EXOC4: variants seen among roughly 807,000 people sequenced by gnomAD.
EXOC4 encodes SEC8-like 1.
EXOC4 carries 71 observed loss-of-function variants against 107.2 expected under a neutral mutation model. That is an observed-to-expected ratio of 0.66 (90% CI 0.55 to 0.81). The LOEUF (loss-of-function observed/expected upper bound fraction) is 0.81. Ranked by LOEUF, EXOC4 falls within the 30% of genes least tolerant of loss-of-function variation. EXOC4 has a pLI of 0.00. For missense variants in EXOC4, 1,108 were observed against 1,189.6 expected, an observed-to-expected ratio of 0.93 and a Z score of 1.01; for synonymous variants, 456 against 441.2, an observed-to-expected ratio of 1.03 and a Z score of -0.42.
intron 6 of EXOC4, among the ~76,000 whole-genome samples, chr7:133,371,486 T>C (rs778309894): frequency 6.6e-6 from 1 of 152,156 alleles, no homozygotes; most frequent in African/African-American, 2.4e-5. Flanking sequence ...ACTATAATCA[T>C]ATAGTATATG....
intron 10 of EXOC4, among the ~76,000 whole-genome samples, chr7:133,677,421 C>G (rs1209028912): frequency 6.6e-6 from 1 of 151,898 alleles, no homozygotes; most frequent in Non-Finnish European, 1.5e-5. Flanking sequence ...AGAATGTATA[C>G]TAGAATTTCT....
chr7:133,906,975 A>G (rs1214215313), intron 12 of EXOC4, among the ~76,000 whole-genome samples: 2 of 152,176 alleles, frequency 1.3e-5, no homozygotes, highest in South Asian at 2.1e-4. Context: ...TGTGAGGCCA[A>G]GAACCCCAGG....
At chr7:133,330,237 T>C (rs899145191) in intron 5 of EXOC4, among the ~76,000 whole-genome samples, 1 of 152,102 alleles carries the variant, frequency 6.6e-6, no homozygotes. Context: ...TAAAACCTCC[T>C]ATTCAAGCCT....
At chr7:133,675,264 A>G (rs911042135) in intron 10 of EXOC4, among the ~76,000 whole-genome samples, 1 of 152,124 alleles carries the variant, frequency 6.6e-6, no homozygotes, top group Non-Finnish European at 1.5e-5. Context: ...CATAAATGCA[A>G]TATCTACAAG....
At chr7:133,504,982 G>A (rs1799641620) in intron 9 of EXOC4, among the ~76,000 whole-genome samples, 1 of 152,158 alleles carries the variant, frequency 6.6e-6, no homozygotes, top group South Asian at 2.1e-4. Flanking sequence ...TCAAAGCAAT[G>A]GGTTGGCAGA....
At chr7:134,055,528 C>A (rs1372035643) in intron 17 of EXOC4, among the ~76,000 whole-genome samples, 1 of 152,178 alleles carries the variant, frequency 6.6e-6, no homozygotes, top group Non-Finnish European at 1.5e-5. Context: ...GCCATGAAGT[C>A]CATTCCTGTT....
intron 9 of EXOC4, among the ~76,000 whole-genome samples, chr7:133,558,777 A>T (rs1032668256): frequency 6.6e-6 from 1 of 152,148 alleles, no homozygotes; most frequent in African/African-American, 2.4e-5. Flanking sequence ...ACTTCAAATC[A>T]TTTAATACAC....
chr7:133,972,241 A>G (rs955973304), intron 14 of EXOC4, among the ~76,000 whole-genome samples: 1 of 152,198 alleles, frequency 6.6e-6, no homozygotes, highest in Non-Finnish European at 1.5e-5. Context: ...AACTAACAAG[A>G]AATTTTACCC....
chr7:133,275,093 C>A lies in EXOC4; in HGVS notation c.198C>A (p.Tyr66Ter), dbSNP rs753814143. ...TGGATGAATTGATTGTACAGCACTA[C>A]ACAGAATTGACGACAGCCATTCGCA... ...RDLDELIVQH[Y>*]TELTTAIRTY... The change falls in exon 2 of 18, where the codon TAC (tyrosine) becomes TAA (stop). Residue 66 changes from tyrosine to a stop codon, truncating the protein, a stop_gained. Coordinates refer to ENST00000253861, the MANE Select transcript of EXOC4 (RefSeq NM_021807.4). LOFTEE classifies it high-confidence loss of function. The A allele has an allele frequency of 6.2e-7, 1 of 1,613,640 alleles. No individual in the cohort carries two copies. Among genetic ancestry groups the A allele is most frequent in the African/African-American group, 1.3e-5 (1 of 74,894 alleles).
intron 5 of EXOC4, among the ~76,000 whole-genome samples, chr7:133,340,935 G>T (rs1215967863): frequency 6.6e-6 from 1 of 151,784 alleles, no homozygotes; most frequent in Non-Finnish European, 1.5e-5. Flanking sequence ...TCTTGCTAAT[G>T]GTCTATAAAT....
At chr7:133,728,796 T>C (rs1475398053) in intron 10 of EXOC4, among the ~76,000 whole-genome samples, 1 of 152,176 alleles carries the variant, frequency 6.6e-6, no homozygotes, top group Non-Finnish European at 1.5e-5. Context: ...ACACATGATC[T>C]TTTCTCTAGC....
the EXOC4 span, among the ~76,000 whole-genome samples, chr7:134,099,875 T>C: frequency 1.3e-5 from 2 of 151,902 alleles, no homozygotes; most frequent in Non-Finnish European, 2.9e-5. Flanking sequence ...CCCAGCTAAT[T>C]TTTGTATTTT....
chr7:133,612,437 G>A (rs1336092209), intron 9 of EXOC4, among the ~76,000 whole-genome samples: 3 of 152,168 alleles, frequency 2.0e-5, no homozygotes, highest in East Asian at 3.9e-4. Context: ...ACCTGAGAAG[G>A]TAGGGAAGTG....
intron 1 of EXOC4, among the ~76,000 whole-genome samples, chr7:133,259,232 C>CT (rs1160021022): frequency 0.016 from 2,101 of 129,534 alleles, 39 homozygotes; most frequent in African/African-American, 0.046. Context: ...AGTTTAATTT[C>CT]TTTTTTTTTT....
chr7:133,321,083 T>C (rs1467666624), intron 5 of EXOC4, among the ~76,000 whole-genome samples: 1 of 152,156 alleles, frequency 6.6e-6, no homozygotes, highest in Non-Finnish European at 1.5e-5. Flanking sequence ...TCCATTAGAA[T>C]TGACACTTTT....
intron 9 of EXOC4, among the ~76,000 whole-genome samples, chr7:133,503,004 C>T (rs1799602313): frequency 6.6e-6 from 1 of 152,010 alleles, no homozygotes; most frequent in Admixed American, 6.6e-5. Flanking sequence ...TGATGAATTG[C>T]CTATCTATAA....
At chr7:134,008,888 C>T (rs1794705323) in intron 17 of EXOC4, among the ~76,000 whole-genome samples, 1 of 152,148 alleles carries the variant, frequency 6.6e-6, no homozygotes, top group African/African-American at 2.4e-5. Context: ...TCCTCAGCCT[C>T]CAAAAGCACT....
chr7:133,953,078 A>G (rs1039186106), intron 14 of EXOC4, among the ~76,000 whole-genome samples: 5 of 151,938 alleles, frequency 3.3e-5, no homozygotes, highest in African/African-American at 4.8e-5. Context: ...CTTCTTCTCA[A>G]CTCTCTGATT....
intron 9 of EXOC4, among the ~76,000 whole-genome samples, chr7:133,567,061 A>G (rs1005707512): frequency 6.6e-6 from 1 of 152,270 alleles, no homozygotes; most frequent in African/African-American, 2.4e-5. Flanking sequence ...AACCAGCTTT[A>G]TTATTCTTAA....
Sources: gnomAD v4.1 joint callset for allele counts (sites outside exome capture counted in the v4.1 genomes callset) on GRCh38, gnomAD v4.1.1 for gene constraint, MANE v1.5 for transcripts, NCBI Gene and HGNC (gene_info 2026-07-23, HGNC 2026-07-21) for gene names.